ARID1A: variants seen among roughly 807,000 people sequenced by gnomAD.
ARID1A encodes the protein AT-rich interactive domain-containing protein 1A.
In ARID1A, 20 loss-of-function variants were observed where a neutral mutation model predicts 212.6. That is an observed-to-expected ratio of 0.09 (90% CI 0.07 to 0.14). ARID1A has a LOEUF of 0.14. Ranked by LOEUF, ARID1A falls within the 10% of genes least tolerant of loss-of-function variation. The pLI is 1.00. For synonymous variants in ARID1A, 1,376 were observed against 1,222.1 expected (o/e 1.13, Z -2.63); for missense variants, 2,587 against 3,059.0 (o/e 0.85, Z 3.64).
Position 26,696,176 on chromosome 1 carries a change from G to GC in ARID1A, c.-226dup. On this transcript the variant is annotated 5_prime_UTR_variant, in exon 1 of 20. An upstream open reading frame in the 5' UTR loses its in-frame stop. Transcript: ENST00000324856. ...AGCCGGGAGCAGCTGAGCCGCCGGC[G>GC]CCTCGGCCGCCGCCGCCGCCTCCTC... 1.7e-6 allele frequency: 1 copy of GC among 573,890 alleles called. No homozygotes were observed. Among genetic ancestry groups the GC allele is most frequent in the Non-Finnish European group, 2.4e-6 (1 of 415,760 alleles). The allele number at this position is 573,890 out of a possible 1,614,324, so 35.5% of individuals were successfully genotyped here.
At chr1:26,773,553 T>A (rs2124112175) in intron 15 of ARID1A, 27 bp from the exon 16 acceptor site, 1 of 1,614,134 alleles carries the variant, frequency 6.2e-7, no homozygotes, top group Non-Finnish European at 8.5e-7. Context: ...TATAGTGGGC[T>A]CAATCTGCCT....
chr1:26,759,940 T>A (rs1400195953), intron 4 of ARID1A, among the ~76,000 whole-genome samples: 1 of 152,252 alleles, frequency 6.6e-6, no homozygotes, highest in Admixed American at 6.5e-5. Context: ...CTACCCCTTA[T>A]GTTGCAAAGT....
chr1:26,745,470 T>C (rs2080827601), intron 4 of ARID1A, among the ~76,000 whole-genome samples: 1 of 152,202 alleles, frequency 6.6e-6, no homozygotes, highest in African/African-American at 2.4e-5. Context: ...CAAGGGATTC[T>C]TGGAAATTTC....
intron 1 of ARID1A, among the ~76,000 whole-genome samples, chr1:26,727,104 A>G (rs1353704174): frequency 4.6e-5 from 7 of 152,254 alleles, no homozygotes. Flanking sequence ...TTTTATCATT[A>G]CTGATAATCG....
intron 4 of ARID1A, among the ~76,000 whole-genome samples, chr1:26,750,936 G>C (rs559070001): frequency 6.6e-6 from 1 of 152,164 alleles, no homozygotes; most frequent in South Asian, 2.1e-4. Flanking sequence ...TGAAATAAAG[G>C]CTGAAAGTTA....
At chr1:26,778,630 G>A (rs1318834455) in intron 19 of ARID1A, 1 of 161,018 alleles carries the variant, frequency 6.2e-6, no homozygotes, top group African/African-American at 2.4e-5. Flanking sequence ...CTAAGCTTGG[G>A]TTCCACTTGG....
chr1:26,715,151 T>G (rs2080489922), intron 1 of ARID1A, among the ~76,000 whole-genome samples: 1 of 152,222 alleles, frequency 6.6e-6, no homozygotes, highest in South Asian at 2.1e-4. Context: ...TGAAGTTTTG[T>G]GGCTAGGGGC....
In ARID1A at chr1:26,729,767, A is replaced by C. The variant is rs781202939; in HGVS notation, c.1254A>C (p.Pro418=). The change falls in exon 2 of 20, where the codon CCA becomes CCC. Residue 418 remains proline, a synonymous_variant. Coordinates refer to ENST00000324856, the MANE Select transcript of ARID1A (RefSeq NM_006015.6). ...GACCGCAGCAAGGACATGGGTACCC[A>C]GGGCAGCCATACGGGTCCCAGACCC... ...PSGPQQGHGY[P]GQPYGSQTPQ... is the part of the protein sequence containing the mutation. 1 of 1,614,244 alleles carries C rather than the reference A, an allele frequency of 6.2e-7. No homozygotes were observed. The highest frequency in any genetic ancestry group is 8.5e-7 in the Non-Finnish European group (1 of 1,180,042).
At chr1:26,742,797 C>T (rs1004222861) in intron 4 of ARID1A, among the ~76,000 whole-genome samples, 1 of 151,930 alleles carries the variant, frequency 6.6e-6, no homozygotes, top group Non-Finnish European at 1.5e-5. Context: ...GGTGAAACTC[C>T]ATCTCTACTA....
At chr1:26,767,000 A>G (rs1490752943) in intron 10 of ARID1A, among the ~76,000 whole-genome samples, 1 of 152,200 alleles carries the variant, frequency 6.6e-6, no homozygotes, top group Non-Finnish European at 1.5e-5. Context: ...GAAGGAGATA[A>G]GGCAGATGAG....
chr1:26,713,607 G>A (rs1390616580), intron 1 of ARID1A, among the ~76,000 whole-genome samples: 3 of 152,152 alleles, frequency 2.0e-5, no homozygotes, highest in Non-Finnish European at 4.4e-5. Flanking sequence ...TAATCTGCCT[G>A]CCTCGGCCTC....
At chr1:26,740,005 GAAAA>G (rs957116387) in intron 4 of ARID1A, among the ~76,000 whole-genome samples, 3 of 139,476 alleles carry the variant, frequency 2.2e-5, no homozygotes, top group East Asian at 2.1e-4. Flanking sequence ...AAAAAAAAAA[GAAAA>G]AAAAAACCTG....
Position 26,729,701 on chromosome 1 carries a change from C to G in ARID1A, c.1188C>G (p.Gly396=), listed in dbSNP as rs61749356. ...GCAAGATGAGACCTCAGCCATATGG[C>G]GGGACTAACCCATACTCGCAGCAAC... ...QMGKMRPQPY[G]GTNPYSQQQG... is the part of the protein sequence containing the mutation. The change falls in exon 2 of 20, where the codon GGC becomes GGG. Residue 396 remains glycine (G), a synonymous_variant. Coordinates refer to ENST00000324856, the MANE Select transcript of ARID1A (RefSeq NM_006015.6). 6.2e-7 allele frequency: 1 copy of G among 1,614,122 alleles called. No individual in the cohort carries two copies.
chr1:26,700,353 T>C (rs1374209888), intron 1 of ARID1A, among the ~76,000 whole-genome samples: 1 of 152,240 alleles, frequency 6.6e-6, no homozygotes, highest in Non-Finnish European at 1.5e-5. Context: ...GTGATAACGT[T>C]TTCATTTGAC....
chr1:26,718,137 G>A (rs1436286501), intron 1 of ARID1A, among the ~76,000 whole-genome samples: 1 of 152,068 alleles, frequency 6.6e-6, no homozygotes, highest in East Asian at 1.9e-4. Context: ...ACCACGCCCA[G>A]CTAATTTTTG....
intron 1 of ARID1A, among the ~76,000 whole-genome samples, chr1:26,710,168 G>A (rs1205825948): frequency 2.1e-5 from 3 of 145,756 alleles, no homozygotes; most frequent in Non-Finnish European, 4.5e-5. Context: ...GGGTGCGGTG[G>A]CTCATGCCTG....
intron 4 of ARID1A, among the ~76,000 whole-genome samples, chr1:26,751,592 A>G (rs1274556411): frequency 1.3e-5 from 2 of 152,244 alleles, no homozygotes; most frequent in East Asian, 3.8e-4. Context: ...GGTAATACCT[A>G]TATCAGAAGA....
At position 26,731,592 on chromosome 1, in the gene ARID1A, C is replaced by T. The variant is rs375210036; in HGVS notation, c.1791C>T (p.Phe597=). The change falls in exon 3 of 20, where the codon TTC becomes TTT. Residue 597 remains phenylalanine (F), a synonymous_variant. Coordinates refer to ENST00000324856, the MANE Select transcript of ARID1A (RefSeq NM_006015.6). ...AAACTGCCTATTCCCAGCAGCGCTT[C>T]CCTCCACCGCAGGTAAGATATCCCT... ...SQQTAYSQQR[F]PPPQELSQDS... is the part of the protein sequence containing the mutation. 50 of 1,613,596 alleles carry T rather than the reference C, an allele frequency of 3.1e-5. No individual in the cohort carries two copies. The highest frequency in any genetic ancestry group is 1.6e-4 in the Middle Eastern group (1 of 6,082).
intron 2 of ARID1A, 124 bp downstream of exon 2, chr1:26,729,987 G>A: frequency 8.3e-7 from 1 of 1,208,878 alleles, no homozygotes; most frequent in East Asian, 2.6e-5. Context: ...TGTTGGCTCA[G>A]TTAATTACAG....
Sources: allele counts gnomAD v4.1 joint callset (sites outside exome capture counted in the v4.1 genomes callset), GRCh38; gene constraint gnomAD v4.1.1; transcripts MANE v1.5; gene names NCBI Gene and HGNC (gene_info 2026-07-23, HGNC 2026-07-21).